The following TGFBR3 variants were observed in gnomAD, a reference collection of about 807,000 sequenced individuals.
The protein encoded by TGFBR3 is transforming growth factor beta receptor type 3.
TGFBR3 carries 46 observed loss-of-function variants against 87.9 expected under a neutral mutation model. That is an observed-to-expected ratio of 0.52 (90% CI 0.41 to 0.67). The LOEUF is 0.67. TGFBR3 is among the 30% of genes least tolerant of loss of function. The pLI, the probability that TGFBR3 is intolerant of heterozygous loss-of-function variation, is 0.00. For missense variants in TGFBR3, 866 were observed against 1,041.9 expected, an observed-to-expected ratio of 0.83 and a Z score of 2.32; for synonymous variants, 381 against 391.6, an observed-to-expected ratio of 0.97 and a Z score of 0.32.
chr1:91,855,346 G>A (rs1182978651), intron 2 of TGFBR3, among the ~76,000 whole-genome samples: 1 of 151,996 alleles, frequency 6.6e-6, no homozygotes, highest in African/African-American at 2.4e-5. Context: ...TCACCTCAGC[G>A]GCACCCCTCT....
intron 3 of TGFBR3, among the ~76,000 whole-genome samples, chr1:91,769,272 A>G (rs968238614): frequency 1.4e-4 from 21 of 152,150 alleles, no homozygotes; most frequent in African/African-American, 5.1e-4. Flanking sequence ...GCTATTCTCC[A>G]TTCCCTTGGT....
intron 4 of TGFBR3, among the ~76,000 whole-genome samples, chr1:91,756,725 T>C (rs1673759841): frequency 6.6e-6 from 1 of 152,236 alleles, no homozygotes. Context: ...AATGTACCTT[T>C]TGAGTTTAAA....
chr1:91,711,925 G>A (rs969796805), intron 13 of TGFBR3, among the ~76,000 whole-genome samples: 7 of 152,278 alleles, frequency 4.6e-5, no homozygotes, highest in Admixed American at 2.6e-4. Flanking sequence ...TTGTCCTTTC[G>A]GCTTGCTGTG....
At chr1:91,766,199 T>TTTC (rs1491245022) in intron 3 of TGFBR3, among the ~76,000 whole-genome samples, 48 of 14,480 alleles carry the variant, frequency 3.3e-3, no homozygotes, top group African/African-American at 0.013. Context: ...GTTTGTTTTC[T>TTTC]TTTTTTTTTT....
At chr1:91,741,062 G>C (rs1673143956) in intron 4 of TGFBR3, among the ~76,000 whole-genome samples, 1 of 152,070 alleles carries the variant, frequency 6.6e-6, no homozygotes, top group East Asian at 1.9e-4. Context: ...CTCCAACTCA[G>C]AACACCAATT....
At chr1:91,891,576 C>T (rs1375125558) in intron 2 of TGFBR3, among the ~76,000 whole-genome samples, 4 of 151,886 alleles carry the variant, frequency 2.6e-5, no homozygotes, top group African/African-American at 9.7e-5. Flanking sequence ...GAACTATTAC[C>T]CCACCACCAC....
chr1:91,819,268 T>C (rs1676357751), intron 2 of TGFBR3, among the ~76,000 whole-genome samples: 2 of 151,964 alleles, frequency 1.3e-5, no homozygotes. Context: ...CCTAGGAGGC[T>C]GAGGCAGGAG....
intron 2 of TGFBR3, among the ~76,000 whole-genome samples, chr1:91,831,873 A>C (rs538017426): frequency 8.0e-4 from 122 of 152,366 alleles, no homozygotes; most frequent in Middle Eastern, 3.4e-3. Flanking sequence ...GGAAAAAAGC[A>C]TGTTCAAAAT....
rs759221609 is a variant in TGFBR3 at position 91,682,043 on chromosome 1, T to C, written c.*1696A>G. On this transcript the variant is annotated 3_prime_UTR_variant, in exon 17 of 17. Transcript: ENST00000212355. Reference sequence around the variant, plus strand: ...AATGTTTTAGTTAAAATGTTCCTTATTGAAAAAAAAAAATGTTCCTTATTG... The same window carrying C: ...AATGTTTTAGTTAAAATGTTCCTTACTGAAAAAAAAAAATGTTCCTTATTG... The C allele has an allele frequency of 1.3e-4, 58 of 453,704 alleles. No individual in the cohort carries two copies. Among genetic ancestry groups the C allele is most frequent in the South Asian group, 7.4e-4 (48 of 64,450 alleles). 28.1% of individuals were successfully genotyped at this position (453,704 alleles called of 1,614,324 possible). A position where few individuals can be genotyped will look rare whatever the true frequency, so the allele number is the denominator to read the frequency against.
chr1:91,756,167 A>C (rs1673736580), intron 4 of TGFBR3, among the ~76,000 whole-genome samples: 1 of 152,180 alleles, frequency 6.6e-6, no homozygotes, highest in South Asian at 2.1e-4. Flanking sequence ...AGCCTCACAT[A>C]GCTACTAAGC....
intron 16 of TGFBR3, among the ~76,000 whole-genome samples, chr1:91,691,484 G>C (rs1334064470): frequency 6.6e-6 from 1 of 152,148 alleles, no homozygotes; most frequent in Non-Finnish European, 1.5e-5. Context: ...AAAGTCCGAA[G>C]GAAAAAGTGT....
rs1438460144 is a variant in TGFBR3 at position 91,796,232 on chromosome 1, C to A, written c.246+1055G>T. Among the ~76,000 whole-genome samples, 6 of 152,054 alleles carry A rather than the reference C, an allele frequency of 3.9e-5. No individual in the cohort carries two copies. In the South Asian group the frequency reaches 1.2e-3, roughly 31 times the overall value. ...GAAATCTGTACTCTTAAATGATGAC[C>A]ATTCACCCACAATCTAGGCCATTTT... is the stretch of plus-strand genomic sequence containing the variant. On this transcript the variant is annotated intron_variant, in intron 3 of 16. Transcript: ENST00000212355.
rs115054903 is a variant in TGFBR3, at chr1:91,792,058, A to C, written c.246+5229T>G. On this transcript the variant is annotated intron_variant, in intron 3 of 16. Coordinates refer to ENST00000212355, the MANE Select transcript of TGFBR3 (RefSeq NM_003243.5). ...GACAGCTTTATGCCAATCCTCAGAG[A>C]AGGTACAAAGTAAAAGTGACTTGGA... Among the ~76,000 whole-genome samples, 427 of 152,322 alleles carry C rather than the reference A, an allele frequency of 2.8e-3. 3 individuals carry two copies. The highest frequency in any genetic ancestry group is 0.01 in the African/African-American group (417 of 41,580).
intron 1 of TGFBR3, among the ~76,000 whole-genome samples, chr1:91,882,242 T>A (rs1486529756): frequency 1.3e-5 from 2 of 148,940 alleles, no homozygotes; most frequent in African/African-American, 2.5e-5. Flanking sequence ...GCTCAAGGGA[T>A]CCTCCCACCT....
chr1:91,769,061 C>T (rs1333293881), intron 3 of TGFBR3, among the ~76,000 whole-genome samples: 2 of 152,156 alleles, frequency 1.3e-5, no homozygotes, highest in African/African-American at 4.8e-5. Flanking sequence ...CACCTACCCA[C>T]CCTAGGGCCT....
At chr1:91,806,363 C>T (rs284157) in intron 2 of TGFBR3, among the ~76,000 whole-genome samples, 57,623 of 152,036 alleles carry the variant, frequency 0.38, 11,317 homozygotes, top group Admixed American at 0.44. Context: ...CTCGACAGAA[C>T]GCAGACAAAG....
At chr1:91,729,370 G>A (rs1013107082) in intron 6 of TGFBR3, among the ~76,000 whole-genome samples, 1 of 152,034 alleles carries the variant, frequency 6.6e-6, no homozygotes, top group African/African-American at 2.4e-5. Context: ...CACAAACAGA[G>A]CTTTATTAAA....
chr1:91,737,284 C>T (rs923377), intron 4 of TGFBR3, among the ~76,000 whole-genome samples: 24,381 of 152,126 alleles, frequency 0.16, 2,154 homozygotes, highest in East Asian at 0.25. Context: ...GCTAGCACTC[C>T]CCTCCTGACT....
chr1:91,855,108 T>C (rs527550960), intron 2 of TGFBR3, among the ~76,000 whole-genome samples: 9 of 152,234 alleles, frequency 5.9e-5, no homozygotes, highest in Admixed American at 5.2e-4. Context: ...AGCAGGAAAA[T>C]AGCTCAGACT....
Sources: gnomAD v4.1 joint callset for allele counts (sites outside exome capture counted in the v4.1 genomes callset) on GRCh38, gnomAD v4.1.1 for gene constraint, MANE v1.5 for transcripts, NCBI Gene and HGNC (gene_info 2026-07-23, HGNC 2026-07-21) for gene names.